The following YES1 variants were observed in gnomAD, a reference collection of about 807,000 sequenced individuals.
YES1 encodes the protein YES proto-oncogene 1, Src family tyrosine kinase, also known as tyrosine-protein kinase Yes.
In YES1, 39 loss-of-function variants were observed where a neutral mutation model predicts 70.4. The ratio of observed to expected loss-of-function variants is 0.55; its 90% confidence interval spans 0.43 to 0.72. The LOEUF is 0.72. Among genes scored for constraint, YES1 ranks in the 30% least tolerant of loss-of-function variants. The pLI, the probability that YES1 is intolerant of heterozygous loss-of-function variation, is 0.00. For synonymous variants in YES1, 198 were observed against 218.6 expected, an observed-to-expected ratio of 0.91 and a Z score of 0.83; for missense variants, 495 against 644.8, an observed-to-expected ratio of 0.77 and a Z score of 2.52.
rs1907434208 is a variant in YES1, at chr18:812,186, G to GA, written c.-82_-81insT. ...GTGGCGGAGGGCGGAGGCGAGGCCC[G>GA]CGGGCCCTCTCCCTCCTCCACCTCC... is the stretch of plus-strand genomic sequence containing the variant. On this transcript the variant is annotated 5_prime_UTR_variant, in exon 1 of 12. Transcript: ENST00000314574. 1 of 152,546 alleles carries GA rather than the reference G, an allele frequency of 6.6e-6. No homozygotes were observed. The highest frequency in any genetic ancestry group is 6.5e-5 in the Admixed American group (1 of 15,280). The allele number at this position is 152,546 out of a possible 1,614,324, so 9.4% of individuals were successfully genotyped here.
At chr18:751,241 C>A (rs1011036408) in intron 3 of YES1, among the ~76,000 whole-genome samples, 8 of 152,056 alleles carry the variant, frequency 5.3e-5, no homozygotes, top group African/African-American at 1.9e-4. Context: ...CTACAGTGTA[C>A]CTCTAGACAA....
intron 1 of YES1, among the ~76,000 whole-genome samples, chr18:759,913 A>G (rs1435110209): frequency 7.4e-6 from 1 of 134,760 alleles, no homozygotes; most frequent in Non-Finnish European, 1.5e-5. Flanking sequence ...CCTGTGTCCA[A>G]GTGTTCTCAT....
At chr18:731,618 T>A (rs1422494428) in intron 11 of YES1, among the ~76,000 whole-genome samples, 1 of 152,188 alleles carries the variant, frequency 6.6e-6, no homozygotes, top group Non-Finnish European at 1.5e-5. Flanking sequence ...GTAATACTGA[T>A]CGCTGAATTT....
At chr18:728,706 A>C (rs1357680678) in intron 11 of YES1, among the ~76,000 whole-genome samples, 1 of 152,094 alleles carries the variant, frequency 6.6e-6, no homozygotes, top group Non-Finnish European at 1.5e-5. Context: ...TTGTATTTTT[A>C]GTAGAGATGG....
chr18:742,111 G>A (rs538155606), intron 8 of YES1, among the ~76,000 whole-genome samples: 8 of 152,244 alleles, frequency 5.3e-5, no homozygotes, highest in East Asian at 3.9e-4. Context: ...ATTGGTTCAA[G>A]AGTAAAAATA....
chr18:795,779 A>C (rs781426420), intron 1 of YES1, among the ~76,000 whole-genome samples: 5 of 151,768 alleles, frequency 3.3e-5, no homozygotes, highest in South Asian at 2.1e-4. Flanking sequence ...GGGGAGGGAG[A>C]GCATTAGGAG....
intron 1 of YES1, among the ~76,000 whole-genome samples, chr18:798,676 T>TGA (rs1906665077): frequency 2.6e-5 from 4 of 152,192 alleles, no homozygotes; most frequent in Non-Finnish European, 4.4e-5. Context: ...AATACTTTTC[T>TGA]ACTCTGACCC....
At chr18:797,282 C>A (rs146030357) in intron 1 of YES1, among the ~76,000 whole-genome samples, 5 of 152,132 alleles carry the variant, frequency 3.3e-5, no homozygotes, top group East Asian at 1.9e-4. Context: ...TTTAAGATAT[C>A]TTTATTCATA....
In YES1 at chr18:724,708, A is replaced by C; in HGVS notation, c.1424-76T>G. ...GGAAAACATAACAAACCCCCTAGCC[A>C]CTAACTCATTCAAAGTATATTATTT... On this transcript the variant is annotated intron_variant, in intron 11 of 11. Coordinates refer to ENST00000314574, the MANE Select transcript of YES1 (RefSeq NM_005433.4). 1.7e-5 allele frequency: 19 copies of C among 1,140,268 alleles called. 1 individual carries two copies. In the South Asian group the frequency reaches 2.5e-4, roughly 15 times the overall value. The allele number at this position is 1,140,268 out of a possible 1,614,324, so 70.6% of individuals were successfully genotyped here.
chr18:808,818 CCAA>C (rs2145846884), intron 1 of YES1, among the ~76,000 whole-genome samples: 1 of 152,334 alleles, frequency 6.6e-6, no homozygotes, highest in Admixed American at 6.5e-5. Flanking sequence ...TTCTGAAACT[CCAA>C]CACCATATTG....
chr18:765,278 A>ATATATATATC (rs1904839360), intron 1 of YES1, among the ~76,000 whole-genome samples: 1 of 99,742 alleles, frequency 1.0e-5, no homozygotes, highest in Admixed American at 1.1e-4. Context: ...ATATATATAT[A>ATATATATATC]TATATATATA....
intron 1 of YES1, among the ~76,000 whole-genome samples, chr18:776,974 A>G (rs1268451042): frequency 4.6e-5 from 7 of 152,202 alleles, no homozygotes; most frequent in Admixed American, 4.6e-4. Flanking sequence ...CAAAACATGT[A>G]TTTGTGGTTA....
chr18:786,531 AC>A (rs1379365009), intron 1 of YES1, among the ~76,000 whole-genome samples: 4 of 151,220 alleles, frequency 2.6e-5, no homozygotes, highest in Non-Finnish European at 5.9e-5. Context: ...ACACACACAC[AC>A]ACACAGAGTT....
Position 751,621 on chromosome 18 carries a change from T to C in YES1, c.371+84A>G, listed in dbSNP as rs528257099. ...GCCCATGCCCTACCTCTCTCATCTC[T>C]GGATCATCAACCAGCTCAGTGGTTC... On this transcript the variant is annotated intron_variant, in intron 3 of 11. Coordinates refer to ENST00000314574, the MANE Select transcript of YES1 (RefSeq NM_005433.4). The C allele has an allele frequency of 5.1e-5, 47 of 929,946 alleles. 2 individuals carry two copies. Among genetic ancestry groups the C allele is most frequent in the South Asian group, 3.5e-4 (25 of 70,974 alleles). 57.6% of individuals were successfully genotyped at this position (929,946 alleles called of 1,614,324 possible).
At chr18:729,619 C>CTTTTTTTTTTTTT (rs869223956) in intron 11 of YES1, among the ~76,000 whole-genome samples, 4 of 75,384 alleles carry the variant, frequency 5.3e-5, no homozygotes, top group Non-Finnish European at 6.9e-5. Context: ...TGATTTTGAA[C>CTTTTTTTTTTTTT]TTTTTTTTTT....
intron 11 of YES1, among the ~76,000 whole-genome samples, chr18:725,395 G>A (rs1311904216): frequency 1.3e-5 from 2 of 151,992 alleles, no homozygotes; most frequent in Admixed American, 1.3e-4. Flanking sequence ...ATTTAAAATA[G>A]TCTATGATTC....
At chr18:794,348 A>T (rs930134976) in intron 1 of YES1, among the ~76,000 whole-genome samples, 9 of 152,212 alleles carry the variant, frequency 5.9e-5, no homozygotes, top group African/African-American at 2.2e-4. Flanking sequence ...TCTAACTTTT[A>T]AAAATATCAA....
At chr18:788,130 T>A (rs1368971321) in intron 1 of YES1, 1 of 152,248 alleles carries the variant, frequency 6.6e-6, no homozygotes, top group Non-Finnish European at 1.5e-5. Context: ...CTCCTTTGGC[T>A]TTTTGGAGTG....
intron 11 of YES1, 114 bp downstream of exon 11, chr18:732,720 C>G (rs1453594928): frequency 7.4e-7 from 1 of 1,350,262 alleles, no homozygotes; most frequent in African/African-American, 1.4e-5. Context: ...GAGGGAGAGG[C>G]AGGGGGACTA....
Sources: allele counts gnomAD v4.1 joint callset (sites outside exome capture counted in the v4.1 genomes callset), GRCh38; gene constraint gnomAD v4.1.1; transcripts MANE v1.5; gene names NCBI Gene and HGNC (gene_info 2026-07-23, HGNC 2026-07-21).